CSMD1: variants seen among roughly 807,000 people sequenced by gnomAD.
CSMD1 encodes CUB and Sushi multiple domains 1, also known as CUB and sushi domain-containing protein 1.
In CSMD1, 213 loss-of-function variants were observed where a neutral mutation model predicts 417.5. That is an observed-to-expected ratio of 0.51 (90% CI 0.46 to 0.57). The LOEUF is 0.57. Among genes scored for constraint, CSMD1 ranks in the 20% least tolerant of loss-of-function variants. The probability of loss-of-function intolerance (pLI) is 0.00; values close to 1 mark genes in which losing one functional copy is unlikely to be tolerated. For missense variants in CSMD1, 6,923 were observed against 4,529.7 expected, an observed-to-expected ratio of 1.53 and a Z score of -15.17; for synonymous variants, 2,862 against 1,736.8, an observed-to-expected ratio of 1.65 and a Z score of -16.11.
At chr8:3,594,441 T>C (rs1192149740) in intron 8 of CSMD1, among the ~76,000 whole-genome samples, 1 of 152,166 alleles carries the variant, frequency 6.6e-6, no homozygotes, top group East Asian at 1.9e-4. Context: ...GTATATGTGT[T>C]ATGGATTAAA....
Position 4,333,260 on chromosome 8 carries a change from G to C in CSMD1, c.415+86693C>G, listed in dbSNP as rs535627184. Among the ~76,000 whole-genome samples, 6 of 152,188 alleles carry C rather than the reference G, an allele frequency of 3.9e-5. No individual in the cohort carries two copies. In the East Asian group the frequency reaches 9.7e-4, roughly 25 times the overall value. ...TGACCCTGGACACAATTCTATTAAA[G>C]CCAATCCTGACGCTAAGTCCTCACC... On this transcript the variant is annotated intron_variant, in intron 3 of 69. Transcript: ENST00000635120.
chr8:4,042,981 A>C (rs912709213), intron 3 of CSMD1, among the ~76,000 whole-genome samples: 1 of 151,914 alleles, frequency 6.6e-6, no homozygotes, highest in African/African-American at 2.4e-5. Context: ...GGAAAAAAAA[A>C]ATTAGCTGGG....
At position 4,452,660 on chromosome 8, in the gene CSMD1, T is replaced by C. The variant is rs537280851; in HGVS notation, c.303-32595A>G. On this transcript the variant is annotated intron_variant, in intron 2 of 69. Coordinates refer to ENST00000635120, the MANE Select transcript of CSMD1 (RefSeq NM_033225.6). ...AAAATTCTTGAGTGAAACGTAACAT[T>C]GCATATTTTCTCCAGAAATAAAGTC... Among the ~76,000 whole-genome samples, 6 of 148,048 alleles carry C rather than the reference T, an allele frequency of 4.1e-5. No individual in the cohort carries two copies. The East Asian group carries it at 1.2e-3, about 29-fold the overall frequency.
rs201991473 is a variant in CSMD1 at position 3,348,160 on chromosome 8, G to C, written c.3306C>G (p.Ala1102=). 2 of 1,610,124 alleles carry C rather than the reference G, an allele frequency of 1.2e-6. No homozygotes were observed. The highest frequency in any genetic ancestry group is 2.2e-5 in the South Asian group (2 of 90,348). ...TTCCTTTGACACTTGCTCCACATTC[G>C]GCTACAATAAATAGGACATGAGAGA... The part of the protein sequence containing the change: ...VWSAPLPRCV[A]ECGASVKGNE... Residue 1102 remains alanine, a splice_region_variant and synonymous_variant, in exon 22 of 70, where the codon GCC becomes GCG. Transcript: ENST00000635120.
chr8:4,557,515 G>C (rs936743791), intron 2 of CSMD1, among the ~76,000 whole-genome samples: 7 of 151,350 alleles, frequency 4.6e-5, no homozygotes, highest in African/African-American at 1.7e-4. Context: ...ATTATCAGTT[G>C]AGAAATAAAA....
In CSMD1 at chr8:2,938,959, T is replaced by C. The variant is rs111637988; in HGVS notation, c.10536-215A>G. 1.9e-3 allele frequency among the ~76,000 whole-genome samples: 295 copies of C among 152,298 alleles called. 1 individual carries two copies. Among genetic ancestry groups the C allele is most frequent in the African/African-American group, 6.3e-3 (261 of 41,568 alleles). On this transcript the variant is annotated intron_variant, in intron 69 of 69. Coordinates refer to ENST00000635120, the MANE Select transcript of CSMD1 (RefSeq NM_033225.6). ...ATGGGTTTTAAAAAGTGAATCGATT[T>C]CAAAAATTAAATAAAATTTTTTTGA...
At chr8:4,574,880 ACTTT>A (rs1271798663) in intron 2 of CSMD1, among the ~76,000 whole-genome samples, 2 of 152,224 alleles carry the variant, frequency 1.3e-5, no homozygotes, top group Non-Finnish European at 2.9e-5. Flanking sequence ...ATTTAAATAG[ACTTT>A]CTTTGTGAAA....
rs554424338 is a variant in CSMD1, at chr8:3,973,092, T to C, written c.818+24811A>G. On this transcript the variant is annotated intron_variant, in intron 5 of 69. Transcript: ENST00000635120. ...AATGTTTGTTTTACAGAATACCTAA[T>C]TTTTGCAAGCCTGCTTTCTTGACAG... is the stretch of plus-strand genomic sequence containing the variant. 2.6e-5 allele frequency among the ~76,000 whole-genome samples: 4 copies of C among 152,368 alleles called. No individual in the cohort carries two copies. In the East Asian group the frequency reaches 7.7e-4, roughly 29 times the overall value.
chr8:4,837,483 G>A (rs568757551), intron 1 of CSMD1, among the ~76,000 whole-genome samples: 1 of 152,138 alleles, frequency 6.6e-6, no homozygotes, highest in Non-Finnish European at 1.5e-5. Context: ...ACTAAAATAA[G>A]CCAGGCACAG....
At chr8:3,623,806 T>C (rs889295456) in intron 7 of CSMD1, among the ~76,000 whole-genome samples, 2 of 151,864 alleles carry the variant, frequency 1.3e-5, no homozygotes, top group African/African-American at 4.8e-5. Context: ...AGAAACCCTG[T>C]CTCTACTAAA....
chr8:3,977,014 C>A (rs932421161), intron 5 of CSMD1, among the ~76,000 whole-genome samples: 3 of 152,138 alleles, frequency 2.0e-5, no homozygotes, highest in Non-Finnish European at 4.4e-5. Context: ...CGTGAAGGTG[C>A]CTGCAGGGAA....
chr8:4,236,307 G>A (rs1404403593), intron 3 of CSMD1, among the ~76,000 whole-genome samples: 1 of 151,988 alleles, frequency 6.6e-6, no homozygotes, highest in African/African-American at 2.4e-5. Flanking sequence ...TAGAACGCAG[G>A]AAACAGTATA....
At chr8:3,445,312 T>G (rs1815229422) in intron 12 of CSMD1, among the ~76,000 whole-genome samples, 2 of 152,296 alleles carry the variant, frequency 1.3e-5, no homozygotes, top group East Asian at 3.9e-4. Flanking sequence ...AGGGTACTAA[T>G]ATATCCTGGG....
chr8:3,195,067 G>A (rs928287037), intron 33 of CSMD1, among the ~76,000 whole-genome samples: 1 of 152,156 alleles, frequency 6.6e-6, no homozygotes, highest in Admixed American at 6.6e-5. Context: ...GTGTGACTGT[G>A]TGATCTGGAA....
At chr8:3,834,511 C>A (rs529563837) in intron 5 of CSMD1, among the ~76,000 whole-genome samples, 5 of 152,140 alleles carry the variant, frequency 3.3e-5, no homozygotes, top group African/African-American at 9.7e-5. Context: ...AGGGGAGAAA[C>A]GGGGTAGAAG....
intron 1 of CSMD1, among the ~76,000 whole-genome samples, chr8:4,700,491 T>A (rs930411195): frequency 6.6e-6 from 1 of 152,122 alleles, no homozygotes; most frequent in African/African-American, 2.4e-5. Context: ...TTTAAAACTA[T>A]AAAACTATGC....
At chr8:4,059,332 A>G (rs1178518289) in intron 3 of CSMD1, among the ~76,000 whole-genome samples, 1 of 18,714 alleles carries the variant, frequency 5.3e-5, no homozygotes, top group Non-Finnish European at 1.8e-4. Context: ...TGTCCACAAG[A>G]GAAAGTAGGA....
At chr8:3,720,583 G>A (rs1055878475) in intron 6 of CSMD1, among the ~76,000 whole-genome samples, 1 of 149,980 alleles carries the variant, frequency 6.7e-6, no homozygotes, top group African/African-American at 2.5e-5. Context: ...CACAGTAGGA[G>A]AAACCTCACA....
intron 3 of CSMD1, among the ~76,000 whole-genome samples, chr8:4,252,924 A>G (rs1364058707): frequency 6.6e-6 from 1 of 152,220 alleles, no homozygotes; most frequent in African/African-American, 2.4e-5. Context: ...GGCTGGACCC[A>G]TGGCAGCAGA....
Sources: allele counts gnomAD v4.1 joint callset (sites outside exome capture counted in the v4.1 genomes callset), GRCh38; gene constraint gnomAD v4.1.1; transcripts MANE v1.5; gene names NCBI Gene and HGNC (gene_info 2026-07-23, HGNC 2026-07-21).